Variants in NT5DC1 observed in about 807,000 individuals in gnomAD.
The protein encoded by NT5DC1 is 5'-nucleotidase domain-containing protein 1.
In NT5DC1, 42 loss-of-function variants were observed where a neutral mutation model predicts 59.4. The ratio of observed to expected loss-of-function variants is 0.71; its 90% confidence interval spans 0.55 to 0.92. NT5DC1 has a LOEUF of 0.92. Ranked by LOEUF, NT5DC1 falls within the 40% of genes least tolerant of loss-of-function variation. NT5DC1 has a pLI of 0.00. For missense variants in NT5DC1, 501 were observed against 537.1 expected, an observed-to-expected ratio of 0.93 and a Z score of 0.66; for synonymous variants, 172 against 188.1, an observed-to-expected ratio of 0.91 and a Z score of 0.70.
rs1473085049 is a variant in NT5DC1, at chr6:116,247,507, C to G, written c.*3483C>G. 2 of 152,118 alleles carry G rather than the reference C, an allele frequency of 1.3e-5. No individual in the cohort carries two copies. The highest frequency in any genetic ancestry group is 3.9e-4 in the East Asian group (2 of 5,190). 9.4% of individuals were successfully genotyped at this position (152,118 alleles called of 1,614,324 possible). On this transcript the variant is annotated 3_prime_UTR_variant, in exon 12 of 12. Transcript: ENST00000319550. ...CAAAATGGGGAAGGAGTGATGAAAA[C>G]TCATCTTTGAGTAAGCTTAGTGGGA...
At chr6:116,158,120 TTAATA>T (rs1331442355) in intron 6 of NT5DC1, among the ~76,000 whole-genome samples, 1 of 152,238 alleles carries the variant, frequency 6.6e-6, no homozygotes, top group East Asian at 1.9e-4. Flanking sequence ...TCAATAGCTA[TTAATA>T]TAATGAGTTC....
At chr6:116,153,414 G>A (rs1189590922) in intron 6 of NT5DC1, among the ~76,000 whole-genome samples, 2 of 152,094 alleles carry the variant, frequency 1.3e-5, no homozygotes, top group Admixed American at 1.3e-4. Context: ...GATACATTCA[G>A]TTATCTTTAA....
chr6:116,135,317 TCA>T (rs1779560658), intron 6 of NT5DC1, among the ~76,000 whole-genome samples: 1 of 152,056 alleles, frequency 6.6e-6, no homozygotes, highest in African/African-American at 2.4e-5. Context: ...TGCATCAATA[TCA>T]TTAAAATACG....
intron 6 of NT5DC1, chr6:116,120,282 C>A: frequency 6.2e-7 from 1 of 1,614,182 alleles, no homozygotes; most frequent in Non-Finnish European, 8.5e-7. Flanking sequence ...TACAGGCCTA[C>A]CCAAACATGA....
rs775983126 is a variant in NT5DC1, at chr6:116,243,935, A to G, written c.1279A>G (p.Arg427Gly). 4 of 1,560,796 alleles carry G rather than the reference A, an allele frequency of 2.6e-6. No homozygotes were observed. The highest frequency in any genetic ancestry group is 1.8e-5 in the Admixed American group (1 of 57,134). ...AELPLDYKFT[R>G]FSSSNSKTAG... The stretch of plus-strand genomic sequence containing the variant: ...ATTACCTCTGGACTACAAATTTACA[A>G]GATTCTCTTCAAGCAATTCAAAAAC... Residue 427 changes from arginine to glycine, a missense_variant, in exon 12 of 12, where the codon AGA (arginine) becomes GGA (glycine). By Grantham distance (125) the Arg-to-Gly change is moderately radical. Coordinates refer to ENST00000319550, the MANE Select transcript of NT5DC1 (RefSeq NM_152729.3).
At chr6:116,116,567 G>A (rs772511856) in intron 5 of NT5DC1, among the ~76,000 whole-genome samples, 24 of 152,090 alleles carry the variant, frequency 1.6e-4, no homozygotes, top group Admixed American at 3.3e-4. Context: ...GCTTAAACCC[G>A]GGAGGCAGAT....
intron 6 of NT5DC1, among the ~76,000 whole-genome samples, chr6:116,129,377 G>A (rs753025210): frequency 1.3e-5 from 2 of 152,208 alleles, no homozygotes; most frequent in Non-Finnish European, 2.9e-5. Context: ...AAGTTCATGT[G>A]TTGGAAACTT....
At chr6:116,130,864 C>T (rs1458374851) in intron 6 of NT5DC1, among the ~76,000 whole-genome samples, 10 of 151,804 alleles carry the variant, frequency 6.6e-5, no homozygotes, top group African/African-American at 1.2e-4. Context: ...TACCAATATT[C>T]GTACCAGAAT....
At chr6:116,108,328 T>C (rs767359033) in intron 2 of NT5DC1, 36 bp from the exon 3 acceptor site, 12 of 1,307,360 alleles carry the variant, frequency 9.2e-6, no homozygotes, top group Middle Eastern at 1.8e-4. Flanking sequence ...TAGCTAAATA[T>C]AGGAATTGAT....
chr6:116,110,847 C>T lies in NT5DC1; in HGVS notation c.258-3C>T, dbSNP rs1171623894. ...AGCAATGTGCCTCCTCTCTCAAAAT[C>T]AGGGCAAGCCATGGCACCAAGATGA... On this transcript the variant is annotated splice_polypyrimidine_tract_variant and splice_region_variant and intron_variant, in intron 3 of 11. Coordinates refer to ENST00000319550, the MANE Select transcript of NT5DC1 (RefSeq NM_152729.3). The T allele has an allele frequency of 4.3e-6, 7 of 1,610,186 alleles. No homozygotes were observed. The Admixed American group carries it at 1.2e-4, about 27-fold the overall frequency.
In NT5DC1 at chr6:116,155,880, G is replaced by A. The variant is rs1030698991; in HGVS notation, c.529+37935G>A. On this transcript the variant is annotated intron_variant, in intron 6 of 11. Coordinates refer to ENST00000319550, the MANE Select transcript of NT5DC1 (RefSeq NM_152729.3). The stretch of plus-strand genomic sequence containing the variant: ...TTTTATGCTATCTTTTATATAAATG[G>A]AAGTGGAGGTAGTGTTTATACAAAA... Among the ~76,000 whole-genome samples, 4 of 151,850 alleles carry A rather than the reference G, an allele frequency of 2.6e-5. No individual in the cohort carries two copies. The East Asian group carries it at 7.7e-4, about 29-fold the overall frequency.
chr6:116,236,794 A>T (rs1217243294), intron 8 of NT5DC1, among the ~76,000 whole-genome samples, 172 bp from the exon 9 acceptor site: 2 of 152,192 alleles, frequency 1.3e-5, no homozygotes, highest in African/African-American at 4.8e-5. Flanking sequence ...ACGGGATTAA[A>T]AAGTATATAC....
At chr6:116,121,313 G>A (rs149245177) in intron 6 of NT5DC1, 7 of 1,614,046 alleles carry the variant, frequency 4.3e-6, no homozygotes, top group Non-Finnish European at 5.9e-6. Context: ...GGCTCCAGCA[G>A]CTCCTGGCTT....
chr6:116,147,623 T>C (rs1246132672), intron 6 of NT5DC1, among the ~76,000 whole-genome samples: 1 of 152,150 alleles, frequency 6.6e-6, no homozygotes, highest in Non-Finnish European at 1.5e-5. Flanking sequence ...CTTAAACCTA[T>C]GCAAAGATTT....
chr6:116,143,342 C>A (rs1582831227), intron 6 of NT5DC1, among the ~76,000 whole-genome samples: 1 of 152,232 alleles, frequency 6.6e-6, no homozygotes, highest in East Asian at 1.9e-4. Context: ...TCTCAAGTAG[C>A]TGGGATTATA....
intron 6 of NT5DC1, among the ~76,000 whole-genome samples, chr6:116,164,183 G>A (rs1274190764): frequency 6.6e-6 from 1 of 152,136 alleles, no homozygotes; most frequent in African/African-American, 2.4e-5. Flanking sequence ...TTTTCTCTGG[G>A]ATGTCGAAGT....
chr6:116,181,847 G>A (rs1265639083), intron 6 of NT5DC1, among the ~76,000 whole-genome samples: 1 of 151,962 alleles, frequency 6.6e-6, no homozygotes, highest in East Asian at 1.9e-4. Context: ...TAAATTCAGT[G>A]CAATTCCAAC....
chr6:116,237,162 TAATTC>T (rs1782130633), intron 9 of NT5DC1, 78 bp downstream of exon 9: 1 of 795,632 alleles, frequency 1.3e-6, no homozygotes, highest in South Asian at 1.4e-5. Flanking sequence ...TCTCTCCTCT[TAATTC>T]TTCTGCTTAA....
chr6:116,145,636 A>G (rs1779880121), intron 6 of NT5DC1: 1 of 160,144 alleles, frequency 6.2e-6, no homozygotes. Context: ...ATCTACTCTT[A>G]ACATTTTAGA....
Sources: gnomAD v4.1 joint callset for allele counts (sites outside exome capture counted in the v4.1 genomes callset) on GRCh38, gnomAD v4.1.1 for gene constraint, MANE v1.5 for transcripts, NCBI Gene and HGNC (gene_info 2026-07-23, HGNC 2026-07-21) for gene names.